The following CTNND2 variants were observed in gnomAD, a reference collection of about 807,000 sequenced individuals.
CTNND2 encodes the protein catenin delta-2.
CTNND2 carries 22 observed loss-of-function variants against 144.4 expected under a neutral mutation model. The ratio of observed to expected loss-of-function variants is 0.15; its 90% CI spans 0.11 to 0.22. CTNND2 has a LOEUF of 0.22. Ranked by LOEUF, CTNND2 falls within the 10% of genes least tolerant of loss-of-function variation. The probability of loss-of-function intolerance (pLI) is 1.00; values close to 1 mark genes in which losing one functional copy is unlikely to be tolerated. For synonymous variants in CTNND2, 751 were observed against 695.6 expected (o/e 1.08, Z -1.25); for missense variants, 1,353 against 1,618.8 (o/e 0.84, Z 2.82).
At chr5:11,416,528 G>T (rs1761951501) in intron 3 of CTNND2, among the ~76,000 whole-genome samples, 1 of 152,118 alleles carries the variant, frequency 6.6e-6, no homozygotes, top group South Asian at 2.1e-4. Context: ...CTCTTAGCTA[G>T]GAGATTTTAT....
chr5:11,424,605 C>T (rs942963106), intron 3 of CTNND2, among the ~76,000 whole-genome samples: 1 of 150,144 alleles, frequency 6.7e-6, no homozygotes, highest in Admixed American at 6.6e-5. Context: ...TTAGAAGAGA[C>T]GTGTGTGTGT....
intron 9 of CTNND2, among the ~76,000 whole-genome samples, chr5:11,286,309 T>C (rs1378694171): frequency 6.6e-6 from 1 of 152,178 alleles, no homozygotes; most frequent in Non-Finnish European, 1.5e-5. Flanking sequence ...AATTTATAAA[T>C]GCCTCCTATA....
chr5:11,186,144 C>T (rs927434962), intron 11 of CTNND2, among the ~76,000 whole-genome samples: 3 of 152,210 alleles, frequency 2.0e-5, no homozygotes, highest in African/African-American at 7.2e-5. Context: ...CTCACGTCAC[C>T]AGCCCTAATG....
At chr5:11,866,234 T>C (rs2127038053) in intron 1 of CTNND2, among the ~76,000 whole-genome samples, 1 of 152,242 alleles carries the variant, frequency 6.6e-6, no homozygotes, top group Non-Finnish European at 1.5e-5. Flanking sequence ...GCCCAGGAGT[T>C]TAAAGCTGTA....
intron 3 of CTNND2, among the ~76,000 whole-genome samples, chr5:11,508,038 T>C (rs1490575261): frequency 6.6e-6 from 1 of 151,922 alleles, no homozygotes; most frequent in Non-Finnish European, 1.5e-5. Flanking sequence ...AGCAGTTACA[T>C]GATTCACTAT....
intron 2 of CTNND2, among the ~76,000 whole-genome samples, chr5:11,697,156 C>T (rs771173146): frequency 6.6e-6 from 1 of 152,210 alleles, no homozygotes; most frequent in Non-Finnish European, 1.5e-5. Flanking sequence ...TAAATGTCTG[C>T]AGGCATGGTA....
chr5:11,185,136 C>T (rs567727904), intron 11 of CTNND2, among the ~76,000 whole-genome samples: 3 of 152,206 alleles, frequency 2.0e-5, no homozygotes, highest in East Asian at 1.9e-4. Context: ...ATTACCTGCA[C>T]GCCAAACCCA....
intron 3 of CTNND2, among the ~76,000 whole-genome samples, chr5:11,442,889 T>A (rs1764402266): frequency 6.8e-6 from 1 of 147,094 alleles, no homozygotes. Context: ...TTATATATAT[T>A]TATTATATAT....
At chr5:11,071,965 G>A (rs1249758413) in intron 16 of CTNND2, among the ~76,000 whole-genome samples, 1 of 152,174 alleles carries the variant, frequency 6.6e-6, no homozygotes, top group Non-Finnish European at 1.5e-5. Context: ...GTTTATGTTC[G>A]AATCTGAGGA....
chr5:11,114,039 A>G (rs1753292686), intron 13 of CTNND2, among the ~76,000 whole-genome samples: 1 of 152,192 alleles, frequency 6.6e-6, no homozygotes, highest in African/African-American at 2.4e-5. Flanking sequence ...TATTCCAAGC[A>G]TCCTCTGCAT....
intron 16 of CTNND2, among the ~76,000 whole-genome samples, chr5:11,062,858 C>G (rs1747155860): frequency 6.6e-6 from 1 of 152,178 alleles, no homozygotes; most frequent in Admixed American, 6.5e-5. Context: ...TTTACAAAAC[C>G]AGGTCAATTT....
intron 11 of CTNND2, among the ~76,000 whole-genome samples, chr5:11,177,172 A>G (rs78081422): frequency 0.013 from 2,010 of 152,288 alleles, 15 homozygotes; most frequent in Middle Eastern, 0.031. Context: ...CACGTCAACA[A>G]TTTCCAATGC....
chr5:11,903,711 G>GCCA lies in CTNND2; in HGVS notation c.37+105_37+106insTGG. On this transcript the variant is annotated intron_variant, in intron 1 of 21. Coordinates refer to ENST00000304623, the MANE Select transcript of CTNND2 (RefSeq NM_001332.4). This position sits in a 1 kb window ranked among gnomAD's most constrained non-coding sequence, Gnocchi z 5.4. The stretch of plus-strand genomic sequence containing the variant: ...AAACCCCGCAGCAGCCGCCGCCGCC[G>GCCA]CCTGCCGGCCGGGAGCCCAGGACCA... 2 of 1,182,200 alleles carry GCCA rather than the reference G, an allele frequency of 1.7e-6. No homozygotes were observed. The highest frequency in any genetic ancestry group is 2.2e-6 in the Non-Finnish European group (2 of 900,478). 73.2% of individuals were successfully genotyped at this position (1,182,200 alleles called of 1,614,324 possible).
In CTNND2 at chr5:11,046,091, C is replaced by T. The variant is rs148790292; in HGVS notation, c.2789-23112G>A. On this transcript the variant is annotated intron_variant, in intron 16 of 21. Coordinates refer to ENST00000304623, the MANE Select transcript of CTNND2 (RefSeq NM_001332.4). ...TGCCGGTTCTGGGTTGAATTGTTAC[C>T]CCCTCACCAAAATTCTTATGTTGAT... Among the ~76,000 whole-genome samples, 10 of 152,074 alleles carry T rather than the reference C, an allele frequency of 6.6e-5. No individual in the cohort carries two copies. The East Asian group carries it at 7.7e-4, about 12-fold the overall frequency.
intron 1 of CTNND2, among the ~76,000 whole-genome samples, chr5:11,797,267 G>A (rs1443400130): frequency 6.6e-6 from 1 of 152,152 alleles, no homozygotes; most frequent in Non-Finnish European, 1.5e-5. Context: ...ATGCACACAG[G>A]GCAGTGGGGA....
chr5:11,274,053 T>C (rs1746281107), intron 9 of CTNND2, among the ~76,000 whole-genome samples: 1 of 152,166 alleles, frequency 6.6e-6, no homozygotes, highest in Non-Finnish European at 1.5e-5. Context: ...TCTCCTTGTC[T>C]CCTGCTCTCA....
chr5:11,351,482 A>C (rs1331323964), intron 8 of CTNND2, among the ~76,000 whole-genome samples: 1 of 152,248 alleles, frequency 6.6e-6, no homozygotes, highest in African/African-American at 2.4e-5. Flanking sequence ...AGAGCTGCAC[A>C]AATAAGGGCC....
intron 2 of CTNND2, among the ~76,000 whole-genome samples, chr5:11,666,128 C>T (rs74560661): frequency 0.013 from 1,961 of 152,262 alleles, 52 homozygotes; most frequent in African/African-American, 0.045. Context: ...GGAATCAAGG[C>T]ATGTACACAA....
chr5:11,171,305 T>C (rs959754927), intron 11 of CTNND2, among the ~76,000 whole-genome samples: 1 of 152,122 alleles, frequency 6.6e-6, no homozygotes, highest in African/African-American at 2.4e-5. Flanking sequence ...GAGAGAGAGC[T>C]GGGGTATAAA....
Sources: allele counts gnomAD v4.1 joint callset (sites outside exome capture counted in the v4.1 genomes callset), GRCh38; gene constraint gnomAD v4.1.1; non-coding constraint Gnocchi (gnomAD v3.1); transcripts MANE v1.5; gene names NCBI Gene and HGNC (gene_info 2026-07-23, HGNC 2026-07-21).